Variants in USP25 observed in about 807,000 individuals in gnomAD.
USP25 encodes ubiquitin carboxyl-terminal hydrolase 25.
Under a neutral mutation model 158.5 loss-of-function variants are expected in USP25, and 85 were observed. That is an observed-to-expected ratio of 0.54 (90% CI 0.45 to 0.64). The LOEUF (loss-of-function observed/expected upper bound fraction) is 0.64. USP25 is among the 30% of genes least tolerant of loss of function. The probability of loss-of-function intolerance (pLI) is 0.00; values close to 1 mark genes in which losing one functional copy is unlikely to be tolerated. For synonymous variants in USP25, 464 were observed against 460.4 expected (o/e 1.01, Z -0.10); for missense variants, 1,242 against 1,327.3 (o/e 0.94, Z 1.00).
intron 5 of USP25, among the ~76,000 whole-genome samples, chr21:15,792,132 A>G (rs560872381): frequency 6.6e-6 from 1 of 151,858 alleles, no homozygotes; most frequent in East Asian, 1.9e-4. Flanking sequence ...TGCAAATCTG[A>G]GTTTGCATGT....
intron 9 of USP25, 42 bp downstream of exon 9, chr21:15,811,252 T>C: frequency 1.3e-6 from 2 of 1,487,552 alleles, no homozygotes; most frequent in Non-Finnish European, 9.2e-7. Context: ...TGAAGAGAGA[T>C]TATTATTCAT....
intron 20 of USP25, among the ~76,000 whole-genome samples, chr21:15,859,062 G>C (rs894693253): frequency 2.0e-5 from 3 of 150,854 alleles, no homozygotes; most frequent in Non-Finnish European, 4.4e-5. Context: ...TGGCATCTGG[G>C]TACATAGACA....
At position 15,811,163 on chromosome 21, in the gene USP25, T is replaced by C; in HGVS notation, c.884T>C (p.Met295Thr). 6.2e-7 allele frequency: 1 copy of C among 1,612,906 alleles called. No individual in the cohort carries two copies. The highest frequency in any genetic ancestry group is 1.1e-5 in the South Asian group (1 of 90,836). Residue 295 changes from methionine (M) to threonine (T), a missense_variant, in exon 9 of 26, where the codon ATG becomes ACG. By Grantham distance (81) the Met-to-Thr change is moderately conservative. This residue lies in a region of USP25 where 627 missense variants were observed against 701.4 expected (regional missense o/e 0.89). Transcript: ENST00000400183. ...GATGAAGAGAAGCCAAAGAACCCCA[T>C]GGTAGAGTTGTTCTATGGCAGATTC... ...ETDEEKPKNP[M>T]VELFYGRFLA...
intron 20 of USP25, among the ~76,000 whole-genome samples, chr21:15,857,305 C>T (rs16990685): frequency 0.04 from 6,099 of 152,188 alleles, 413 homozygotes; most frequent in African/African-American, 0.14. Flanking sequence ...TTTTCAATAT[C>T]GTGAACATTT....
chr21:15,851,409 C>G (rs1359456306), intron 20 of USP25, among the ~76,000 whole-genome samples: 2 of 151,766 alleles, frequency 1.3e-5, no homozygotes, highest in African/African-American at 4.8e-5. Context: ...TACACATTAC[C>G]TGTTGAATTT....
At chr21:15,823,913 T>G in intron 10 of USP25, 126 bp from the exon 11 acceptor site, 1 of 916,578 alleles carries the variant, frequency 1.1e-6, no homozygotes, top group Non-Finnish European at 1.6e-6. Flanking sequence ...TGTACCCAGT[T>G]ACTTGTCAGG....
At position 15,824,026 on chromosome 21, in the gene USP25, T is replaced by C; in HGVS notation, c.1081-13T>C. On this transcript the variant is annotated splice_polypyrimidine_tract_variant and intron_variant, in intron 10 of 25. Coordinates refer to ENST00000400183, the MANE Select transcript of USP25 (RefSeq NM_001283041.3). ...GGTATTAAAGTTTTTGTTATTGTTT[T>C]ATTTCCTTTCAGCATTGGTTTACTG... 1 of 1,608,532 alleles carries C rather than the reference T, an allele frequency of 6.2e-7. No homozygotes were observed. The highest frequency in any genetic ancestry group is 1.3e-5 in the African/African-American group (1 of 74,792).
chr21:15,792,721 G>A (rs1400985097), intron 5 of USP25, among the ~76,000 whole-genome samples: 1 of 151,110 alleles, frequency 6.6e-6, no homozygotes, highest in Non-Finnish European at 1.5e-5. Context: ...AATTTTCACC[G>A]TTTTCTCCCT....
At chr21:15,770,172 GT>G (rs1192945989) in intron 3 of USP25, among the ~76,000 whole-genome samples, 1 of 152,024 alleles carries the variant, frequency 6.6e-6, no homozygotes, top group Non-Finnish European at 1.5e-5. Flanking sequence ...TTAGGATATT[GT>G]TAATTGAACA....
intron 6 of USP25, among the ~76,000 whole-genome samples, 176 bp from the exon 7 acceptor site, chr21:15,804,945 A>G (rs545237951): frequency 1.6e-3 from 236 of 152,198 alleles, no homozygotes; most frequent in Middle Eastern, 6.8e-3. Flanking sequence ...GACTTCTTTG[A>G]GTCTCTTAGA....
chr21:15,820,146 A>G (rs1295565381), intron 10 of USP25, among the ~76,000 whole-genome samples: 3 of 152,082 alleles, frequency 2.0e-5, no homozygotes, highest in Non-Finnish European at 4.4e-5. Context: ...CTTTACCAGT[A>G]TCCCACAATG....
At position 15,830,633 on chromosome 21, in the gene USP25, C is replaced by G. The variant is rs763909655; in HGVS notation, c.1764+32C>G. 3.4e-6 allele frequency: 5 copies of G among 1,457,144 alleles called. No homozygotes were observed. In the Admixed American group the frequency reaches 1.0e-4, roughly 29 times the overall value. The allele number at this position is 1,457,144 out of a possible 1,614,324, so 90.3% of individuals were successfully genotyped here. A position where few individuals can be genotyped will look rare whatever the true frequency, so the allele number is the denominator to read the frequency against. ...GAAATTTTGAGCTAGTAATCATTGT[C>G]AAAATTATTTACATATATTTTAATT... On this transcript the variant is annotated intron_variant, in intron 15 of 25. Coordinates refer to ENST00000400183, the MANE Select transcript of USP25 (RefSeq NM_001283041.3).
intron 5 of USP25, among the ~76,000 whole-genome samples, chr21:15,798,514 T>C (rs1171142162): frequency 6.6e-6 from 1 of 151,238 alleles, no homozygotes; most frequent in Non-Finnish European, 1.5e-5. Flanking sequence ...AATGTATTCA[T>C]ATCCCTTCTG....
chr21:15,778,563 A>G (rs890024029), intron 4 of USP25, among the ~76,000 whole-genome samples: 1 of 152,104 alleles, frequency 6.6e-6, no homozygotes, highest in Non-Finnish European at 1.5e-5. Flanking sequence ...CTTCTGATCT[A>G]TAGCATGATA....
chr21:15,826,945 G>A lies in USP25; in HGVS notation c.1467-32G>A. 1 of 1,605,596 alleles carries A rather than the reference G, an allele frequency of 6.2e-7. No individual in the cohort carries two copies. Among genetic ancestry groups the A allele is most frequent in the Non-Finnish European group, 8.5e-7 (1 of 1,176,792 alleles). On this transcript the variant is annotated intron_variant, in intron 13 of 25. Coordinates refer to ENST00000400183, the MANE Select transcript of USP25 (RefSeq NM_001283041.3). The surrounding 1 kb of genome is among the most constrained non-coding windows in gnomAD (Gnocchi z 4.8). ...TTTGTCAAGAGTTTCAGCTTGAAAG[G>A]TTAATAAGAAATACTCTATGCTTTG...
chr21:15,821,116 T>C (rs1172402585), intron 10 of USP25, among the ~76,000 whole-genome samples: 1 of 151,986 alleles, frequency 6.6e-6, no homozygotes, highest in Non-Finnish European at 1.5e-5. Flanking sequence ...ACTTCACTTG[T>C]AGTGTGAGTA....
At chr21:15,790,208 G>A (rs1568808063) in intron 4 of USP25, among the ~76,000 whole-genome samples, 1 of 152,016 alleles carries the variant, frequency 6.6e-6, no homozygotes, top group African/African-American at 2.4e-5. Context: ...TAGAGTCTGG[G>A]GTTGCCTGTG....
intron 1 of USP25, among the ~76,000 whole-genome samples, chr21:15,747,004 C>T (rs2032612085): frequency 6.6e-6 from 1 of 152,118 alleles, no homozygotes; most frequent in South Asian, 2.1e-4. Flanking sequence ...ATTTATACTT[C>T]TAGATATACT....
At chr21:15,846,122 GTATATATATA>G (rs34210530) in intron 18 of USP25, among the ~76,000 whole-genome samples, 685 of 55,642 alleles carry the variant, frequency 0.012, 73 homozygotes, top group African/African-American at 0.044. Flanking sequence ...GTGTGTGTGT[GTATATATATA>G]TATATATATA....
Sources: gnomAD v4.1 joint callset for allele counts (sites outside exome capture counted in the v4.1 genomes callset) on GRCh38, gnomAD v4.1.1 for gene constraint, gnomAD v4.1.1 regional missense constraint, Gnocchi (gnomAD v3.1) non-coding constraint, MANE v1.5 for transcripts, NCBI Gene and HGNC (gene_info 2026-07-23, HGNC 2026-07-21) for gene names.